ERC2: variants seen among roughly 807,000 people sequenced by gnomAD.
ERC2 encodes the protein ELKS/RAB6-interacting/CAST family member 2.
In ERC2, 42 loss-of-function variants were observed where a neutral mutation model predicts 114.8. The observed-to-expected ratio is 0.37, with a 90% CI of 0.29 to 0.47. ERC2 has a LOEUF of 0.47. Among genes scored for constraint, ERC2 ranks in the 20% least tolerant of loss-of-function variants. The pLI, the probability that ERC2 is intolerant of heterozygous loss-of-function variation, is 0.99. For missense variants in ERC2, 939 were observed against 1,150.7 expected (o/e 0.82, Z 2.66); for synonymous variants, 454 against 425.5 (o/e 1.07, Z -0.82).
chr3:56,337,637 G>GA (rs906388426), intron 2 of ERC2, among the ~76,000 whole-genome samples: 22 of 151,258 alleles, frequency 1.5e-4, no homozygotes, highest in East Asian at 5.8e-4. Context: ...ATGAGGTACA[G>GA]AAAAAAAAAC....
At chr3:56,139,442 G>C in intron 6 of ERC2, 67 bp downstream of exon 6, 1 of 1,503,054 alleles carries the variant, frequency 6.7e-7, no homozygotes, top group Non-Finnish European at 9.0e-7. Flanking sequence ...GAGGAAAGTT[G>C]TTCAGGTAGG....
At chr3:55,985,525 T>C (rs954185288) in intron 12 of ERC2, among the ~76,000 whole-genome samples, 10 of 152,228 alleles carry the variant, frequency 6.6e-5, no homozygotes, top group Non-Finnish European at 2.9e-5. Context: ...AGTGATTTAT[T>C]AAATGAAAAG....
At chr3:55,728,597 G>C (rs1319268674) in intron 15 of ERC2, among the ~76,000 whole-genome samples, 2 of 152,156 alleles carry the variant, frequency 1.3e-5, no homozygotes, top group East Asian at 3.9e-4. Context: ...GTAAGGACTG[G>C]GGGGTGATGA....
chr3:56,054,969 A>C (rs1220019288), intron 7 of ERC2, among the ~76,000 whole-genome samples: 7 of 152,242 alleles, frequency 4.6e-5, no homozygotes. Flanking sequence ...CACAGCCCTC[A>C]TGGCAGTGCG....
At chr3:56,041,724 A>G (rs1306334028) in intron 7 of ERC2, among the ~76,000 whole-genome samples, 1 of 152,098 alleles carries the variant, frequency 6.6e-6, no homozygotes, top group Non-Finnish European at 1.5e-5. Flanking sequence ...ATGGGAAGAA[A>G]AGTCAGGAAA....
At chr3:55,601,993 C>T (rs1284495062) in intron 17 of ERC2, among the ~76,000 whole-genome samples, 1 of 152,196 alleles carries the variant, frequency 6.6e-6, no homozygotes, top group Non-Finnish European at 1.5e-5. Context: ...CACAGTGAAA[C>T]AGTAAGTCCT....
intron 14 of ERC2, among the ~76,000 whole-genome samples, chr3:55,833,908 GA>G (rs199676949): frequency 0.059 from 8,916 of 152,048 alleles, 313 homozygotes; most frequent in South Asian, 0.16. Flanking sequence ...TAAAAGGATG[GA>G]GGAAGATCTA....
chr3:55,591,212 A>G (rs1273592667), intron 17 of ERC2, among the ~76,000 whole-genome samples: 1 of 151,252 alleles, frequency 6.6e-6, no homozygotes, highest in Admixed American at 6.6e-5. Context: ...ACAAATTTTG[A>G]AAGCATATGC....
At chr3:55,586,267 C>T (rs550092874) in intron 17 of ERC2, among the ~76,000 whole-genome samples, 205 of 152,304 alleles carry the variant, frequency 1.3e-3, no homozygotes, top group African/African-American at 4.7e-3. Flanking sequence ...CTTTCAATGC[C>T]AACTTCAAAC....
chr3:56,224,172 G>T (rs2050104200), intron 3 of ERC2, among the ~76,000 whole-genome samples: 2 of 152,176 alleles, frequency 1.3e-5, no homozygotes, highest in African/African-American at 4.8e-5. Context: ...ATGCTCTGTG[G>T]GTGGATGTCT....
intron 15 of ERC2, among the ~76,000 whole-genome samples, chr3:55,714,687 A>G (rs1161965694): frequency 0.016 from 1,549 of 99,276 alleles, 20 homozygotes; most frequent in African/African-American, 0.04. Flanking sequence ...ATATATATAT[A>G]TATATATATA....
At chr3:55,566,161 TC>T (rs1314869323) in intron 17 of ERC2, among the ~76,000 whole-genome samples, 8 of 152,208 alleles carry the variant, frequency 5.3e-5, no homozygotes, top group Non-Finnish European at 1.2e-4. Context: ...TGAGTTCAAA[TC>T]CTGGTTTCAC....
At chr3:55,691,677 C>G (rs2062678010) in intron 16 of ERC2, among the ~76,000 whole-genome samples, 1 of 143,718 alleles carries the variant, frequency 7.0e-6, no homozygotes, top group Non-Finnish European at 1.5e-5. Context: ...AAACATGTAA[C>G]TTTTCTTATC....
chr3:56,320,468 G>A (rs946137725), intron 2 of ERC2, among the ~76,000 whole-genome samples: 1 of 152,152 alleles, frequency 6.6e-6, no homozygotes, highest in Non-Finnish European at 1.5e-5. Context: ...GCTTGTAAGA[G>A]CCAAATGTGA....
chr3:55,524,066 T>A (rs1200748468), intron 17 of ERC2, among the ~76,000 whole-genome samples: 1 of 152,094 alleles, frequency 6.6e-6, no homozygotes, highest in South Asian at 2.1e-4. Context: ...AACTCTAACC[T>A]CTCCAGGTGG....
At chr3:56,046,186 C>T (rs2075447044) in intron 7 of ERC2, among the ~76,000 whole-genome samples, 1 of 152,190 alleles carries the variant, frequency 6.6e-6, no homozygotes, top group Admixed American at 6.5e-5. Context: ...ATAATAGTTA[C>T]TCCCAATTTC....
chr3:55,995,130 C>T (rs546207267), intron 10 of ERC2, among the ~76,000 whole-genome samples: 4 of 152,256 alleles, frequency 2.6e-5, no homozygotes, highest in African/African-American at 9.6e-5. Context: ...GTCAAGAGAT[C>T]GAGACCATCC....
At chr3:56,358,694 T>G (rs4974205) in intron 2 of ERC2, among the ~76,000 whole-genome samples, 2 of 152,142 alleles carry the variant, frequency 1.3e-5, no homozygotes, top group Admixed American at 6.5e-5. Context: ...ACTCTGCCAC[T>G]TAGTAACTGT....
At chr3:56,408,639 G>A (rs552720726) in intron 2 of ERC2, among the ~76,000 whole-genome samples, 44 of 152,290 alleles carry the variant, frequency 2.9e-4, no homozygotes, top group African/African-American at 9.9e-4. Flanking sequence ...ATGAGTAATA[G>A]ATATTTACTT....
Sources: allele counts gnomAD v4.1 joint callset (sites outside exome capture counted in the v4.1 genomes callset), GRCh38; gene constraint gnomAD v4.1.1; transcripts MANE v1.5; gene names NCBI Gene and HGNC (gene_info 2026-07-23, HGNC 2026-07-21).